DDC: variants seen among roughly 807,000 people sequenced by gnomAD.
DDC encodes dopa decarboxylase, also known as aromatic-L-amino-acid decarboxylase.
In DDC, 43 loss-of-function variants were observed where a neutral mutation model predicts 60.0. That is an observed-to-expected ratio of 0.72 (90% CI 0.56 to 0.92). The LOEUF is 0.92. Ranked by LOEUF, DDC falls within the 40% of genes least tolerant of loss-of-function variation. DDC has a pLI of 0.00. For missense variants in DDC, 573 were observed against 620.2 expected (o/e 0.92, Z 0.81); for synonymous variants, 232 against 234.6 (o/e 0.99, Z 0.10).
At chr7:50,487,597 T>G (rs2042913436) in intron 9 of DDC, among the ~76,000 whole-genome samples, 1 of 152,148 alleles carries the variant, frequency 6.6e-6, no homozygotes, top group African/African-American at 2.4e-5. Context: ...TTTGCATGAC[T>G]GTTTATGTGT....
intron 8 of DDC, among the ~76,000 whole-genome samples, chr7:50,497,159 A>G (rs1435589723): frequency 6.6e-6 from 1 of 152,202 alleles, no homozygotes; most frequent in African/African-American, 2.4e-5. Flanking sequence ...CAGGGCCACA[A>G]CAGGATATTG....
rs1314365716 is a variant in DDC, at chr7:50,505,503, T to C, written c.715-1444A>G. Among the ~76,000 whole-genome samples the C allele has an allele frequency of 5.1e-4, 78 of 152,252 alleles. 1 individual carries two copies. The highest frequency in any genetic ancestry group is 5.9e-5 in the Non-Finnish European group (4 of 68,044). The stretch of plus-strand genomic sequence containing the variant: ...AAGATAGAGAGGTCAGAAACTCGTA[T>C]GTGAGAACCCCAGTTCGAGACCTTT... On this transcript the variant is annotated intron_variant, in intron 6 of 14. Coordinates refer to ENST00000444124, the MANE Select transcript of DDC (RefSeq NM_001082971.2).
chr7:50,550,080 A>T (rs2044937957), intron 1 of DDC, among the ~76,000 whole-genome samples: 1 of 152,248 alleles, frequency 6.6e-6, no homozygotes, highest in Admixed American at 6.5e-5. Flanking sequence ...ATCAAACAGC[A>T]TCACATGCTA....
intron 4 of DDC, among the ~76,000 whole-genome samples, chr7:50,533,445 G>A (rs1320956628): frequency 6.6e-6 from 1 of 152,004 alleles, no homozygotes; most frequent in Non-Finnish European, 1.5e-5. Flanking sequence ...ACAGGCACAT[G>A]CCACCATGTC....
Position 50,529,220 on chromosome 7 carries a change from G to A in DDC, c.558C>T (p.Tyr186=). 1.9e-6 allele frequency: 3 copies of A among 1,613,356 alleles called. No homozygotes were observed. The highest frequency in any genetic ancestry group is 1.8e-4 in the Middle Eastern group (1 of 5,430). ...ACAACACACTCACCTGATCGGATGA[G>A]TAAGCCACCAGCTTCTCCATGATAG... The part of the protein sequence containing the change: ...QAAIMEKLVA[Y]SSDQAHSSVE... The change falls in exon 5 of 15, where the codon TAC becomes TAT. Residue 186 remains tyrosine (Y), a synonymous_variant. Transcript: ENST00000444124.
intron 6 of DDC, among the ~76,000 whole-genome samples, chr7:50,523,331 T>C (rs774333208): frequency 6.6e-6 from 1 of 152,180 alleles, no homozygotes. Flanking sequence ...CTGGACTTCA[T>C]TGTAATTAAA....
chr7:50,564,017 T>C (rs554889637), intron 1 of DDC: 1 of 152,308 alleles, frequency 6.6e-6, no homozygotes, highest in African/African-American at 2.4e-5. Flanking sequence ...TTCCTGAGAC[T>C]CTCCCCTTTC....
chr7:50,543,112 T>C (rs1585267383), intron 2 of DDC: 1 of 154,274 alleles, frequency 6.5e-6, no homozygotes, highest in Admixed American at 6.3e-5. Context: ...CTCTGCACAT[T>C]GTTGCATGGA....
At chr7:50,522,832 G>T (rs1247604010) in intron 6 of DDC, among the ~76,000 whole-genome samples, 2 of 147,094 alleles carry the variant, frequency 1.4e-5, no homozygotes, top group Non-Finnish European at 2.9e-5. Flanking sequence ...AAGCATGGCT[G>T]GGGGGGCCTC....
chr7:50,499,511 C>A (rs189177303), intron 7 of DDC, among the ~76,000 whole-genome samples: 8 of 152,300 alleles, frequency 5.3e-5, no homozygotes, highest in Non-Finnish European at 1.0e-4. Context: ...AAGTGTAACT[C>A]CAAGGGACCA....
chr7:50,458,997 C>G (rs1402441140), intron 14 of DDC, among the ~76,000 whole-genome samples, 154 bp from the exon 15 acceptor site: 4 of 152,048 alleles, frequency 2.6e-5, no homozygotes, highest in Non-Finnish European at 5.9e-5. Flanking sequence ...CGGTCTCCCA[C>G]TGATGCCCAG....
At chr7:50,460,086 C>A (rs1408994650) in intron 14 of DDC, among the ~76,000 whole-genome samples, 1 of 145,512 alleles carries the variant, frequency 6.9e-6, no homozygotes, top group Non-Finnish European at 1.5e-5. Context: ...CCCGGCCAGC[C>A]GCCCCATCCG....
At chr7:50,537,037 G>GTTTTTTTT (rs10574868) in intron 4 of DDC, among the ~76,000 whole-genome samples, 2 of 140,362 alleles carry the variant, frequency 1.4e-5, no homozygotes, top group Non-Finnish European at 3.1e-5. Context: ...CTAGGAAGTT[G>GTTTTTTTT]TTTTTTTTTT....
chr7:50,465,206 T>C lies in DDC; in HGVS notation c.1243-1775A>G, dbSNP rs1449608574. ...TGTTGTATGTTTTCATTTATACAAATGTCCAGAATAGACAAACCTACAGAG... is the reference window on the plus strand; with the variant it reads ...TGTTGTATGTTTTCATTTATACAAACGTCCAGAATAGACAAACCTACAGAG... On this transcript the variant is annotated intron_variant, in intron 13 of 14. Transcript: ENST00000444124. 2.6e-5 allele frequency among the ~76,000 whole-genome samples: 4 copies of C among 152,324 alleles called. No homozygotes were observed. The South Asian group carries it at 8.3e-4, about 32-fold the overall frequency.
intron 4 of DDC, among the ~76,000 whole-genome samples, chr7:50,532,126 G>T (rs2044236056): frequency 6.6e-6 from 1 of 152,198 alleles, no homozygotes; most frequent in African/African-American, 2.4e-5. Flanking sequence ...GCTCTGAGGG[G>T]ATCAATAATG....
rs776354811 is a variant in DDC at position 50,463,238 on chromosome 7, C to A, written c.1436G>T (p.Arg479Met). The change falls in exon 14 of 15, where the codon AGG (arginine) becomes ATG (methionine). Residue 479 changes from arginine (R) to methionine (M), a missense_variant. Transcript: ENST00000444124. ...CTGCAGCTGGCTTCACTCCTACTCC[C>A]TCTCTGCTCGCAGCACGTCGGCCGC... is the stretch of plus-strand genomic sequence containing the variant. ...ELAADVLRAE[R>M]E 1 of 1,611,818 alleles carries A rather than the reference C, an allele frequency of 6.2e-7. No individual in the cohort carries two copies. The highest frequency in any genetic ancestry group is 8.5e-7 in the Non-Finnish European group (1 of 1,179,120).
chr7:50,563,431 T>G (rs2045380759), intron 1 of DDC, among the ~76,000 whole-genome samples: 1 of 152,208 alleles, frequency 6.6e-6, no homozygotes, highest in Non-Finnish European at 1.5e-5. Context: ...TGTTTACTAA[T>G]GTTTTGTTTG....
chr7:50,508,664 A>C (rs1351704142), intron 6 of DDC, among the ~76,000 whole-genome samples: 2 of 152,202 alleles, frequency 1.3e-5, no homozygotes, highest in African/African-American at 4.8e-5. Context: ...TTCAATTTTA[A>C]GGGATCTACA....
chr7:50,508,171 C>CT (rs2043451442), intron 6 of DDC, among the ~76,000 whole-genome samples: 1 of 152,226 alleles, frequency 6.6e-6, no homozygotes, highest in Admixed American at 6.5e-5. Flanking sequence ...TTCTAAGTGG[C>CT]TTGTCTACGT....
Sources: gnomAD v4.1 joint callset for allele counts (sites outside exome capture counted in the v4.1 genomes callset) on GRCh38, gnomAD v4.1.1 for gene constraint, MANE v1.5 for transcripts, NCBI Gene and HGNC (gene_info 2026-07-23, HGNC 2026-07-21) for gene names.